Variants in FAT3 observed in about 807,000 individuals in gnomAD.
FAT3 encodes the protein FAT atypical cadherin 3.
A neutral mutation model predicts 310.2 loss-of-function variants in FAT3; 95 were observed. The ratio of observed to expected loss-of-function variants is 0.31; its 90% confidence interval spans 0.26 to 0.36. The LOEUF (loss-of-function observed/expected upper bound fraction) is 0.36. Among genes scored for constraint, FAT3 ranks in the 10% least tolerant of loss-of-function variants. The probability of loss-of-function intolerance (pLI) is 1.00; values close to 1 mark genes in which losing one functional copy is unlikely to be tolerated. For missense variants in FAT3, 5,408 were observed against 5,715.6 expected, an observed-to-expected ratio of 0.95 and a Z score of 1.74; for synonymous variants, 2,314 against 2,192.9, an observed-to-expected ratio of 1.06 and a Z score of -1.54.
chr11:92,740,134 T>C (rs1945464811), intron 4 of FAT3, among the ~76,000 whole-genome samples: 1 of 152,206 alleles, frequency 6.6e-6, no homozygotes, highest in South Asian at 2.1e-4. Flanking sequence ...CTGAGAGTAA[T>C]GTCCAAGATT....
At chr11:92,708,998 T>C (rs1047803530) in intron 4 of FAT3, among the ~76,000 whole-genome samples, 2 of 152,184 alleles carry the variant, frequency 1.3e-5, no homozygotes, top group African/African-American at 4.8e-5. Flanking sequence ...TCTAAACCAG[T>C]ATCCAATAGG....
intron 2 of FAT3, among the ~76,000 whole-genome samples, chr11:92,487,713 C>A (rs185941158): frequency 1.2e-4 from 19 of 152,274 alleles, no homozygotes; most frequent in Non-Finnish European, 2.6e-4. Flanking sequence ...GCTCCAAAGC[C>A]CATGCTCTTA....
At chr11:92,613,049 T>C (rs1940641380) in intron 3 of FAT3, among the ~76,000 whole-genome samples, 1 of 152,212 alleles carries the variant, frequency 6.6e-6, no homozygotes, top group South Asian at 2.1e-4. Flanking sequence ...TGAAAATGTA[T>C]CCTAAATTTG....
intron 3 of FAT3, among the ~76,000 whole-genome samples, chr11:92,561,724 C>T (rs1203480344): frequency 6.6e-6 from 1 of 152,128 alleles, no homozygotes; most frequent in Admixed American, 6.5e-5. Context: ...CTCCAGGGTT[C>T]AAGCAATTCT....
chr11:92,247,531 T>G (rs1864968454), intron 1 of FAT3, among the ~76,000 whole-genome samples: 1 of 151,952 alleles, frequency 6.6e-6, no homozygotes, highest in African/African-American at 2.4e-5. Flanking sequence ...TAACTTAAAC[T>G]TCTGTGACTA....
At chr11:92,659,465 A>G (rs566801085) in intron 3 of FAT3, among the ~76,000 whole-genome samples, 1 of 152,316 alleles carries the variant, frequency 6.6e-6, no homozygotes, top group Admixed American at 6.5e-5. Flanking sequence ...CATGGACCTA[A>G]ACTTCAAATA....
At chr11:92,476,751 T>A (rs1252638113) in intron 2 of FAT3, among the ~76,000 whole-genome samples, 1 of 152,206 alleles carries the variant, frequency 6.6e-6, no homozygotes, top group Non-Finnish European at 1.5e-5. Context: ...TCACATTTAC[T>A]TAAATGCAGT....
intron 4 of FAT3, among the ~76,000 whole-genome samples, chr11:92,754,877 A>C (rs1193556826): frequency 6.6e-6 from 1 of 151,914 alleles, no homozygotes; most frequent in African/African-American, 2.4e-5. Flanking sequence ...AAAAATAATA[A>C]TAATAATAAA....
At chr11:92,864,442 G>A (rs1467256015) in intron 21 of FAT3, among the ~76,000 whole-genome samples, 3 of 152,310 alleles carry the variant, frequency 2.0e-5, no homozygotes, top group Non-Finnish European at 4.4e-5. Flanking sequence ...AGTTGCCATA[G>A]AGCAAGTATT....
At chr11:92,829,828 A>C (rs1948195377) in intron 13 of FAT3, among the ~76,000 whole-genome samples, 1 of 152,220 alleles carries the variant, frequency 6.6e-6, no homozygotes. Context: ...TGGAACCAAG[A>C]ACAGGCTCTC....
chr11:92,793,086 A>G (rs1947078010), intron 9 of FAT3, 109 bp downstream of exon 9: 1 of 1,226,054 alleles, frequency 8.2e-7, no homozygotes. Context: ...ACATCTCTAA[A>G]TGAACTTTTT....
At chr11:92,878,021 T>G (rs1949572082) in intron 22 of FAT3, among the ~76,000 whole-genome samples, 1 of 152,222 alleles carries the variant, frequency 6.6e-6, no homozygotes, top group Admixed American at 6.5e-5. Context: ...TGAACAATCA[T>G]AAGGCAGAGA....
At chr11:92,687,037 T>G (rs1419542534) in intron 3 of FAT3, among the ~76,000 whole-genome samples, 1 of 152,182 alleles carries the variant, frequency 6.6e-6, no homozygotes, top group Admixed American at 6.6e-5. Context: ...TTCAGACATT[T>G]TGGGGGTTGA....
chr11:92,318,426 A>G (rs994942811), intron 1 of FAT3, among the ~76,000 whole-genome samples: 4 of 152,144 alleles, frequency 2.6e-5, no homozygotes, highest in African/African-American at 9.7e-5. Context: ...AATAAATGAT[A>G]CTCAGAAGGG....
intron 3 of FAT3, among the ~76,000 whole-genome samples, chr11:92,657,418 G>A (rs916869632): frequency 2.0e-5 from 3 of 152,218 alleles, no homozygotes; most frequent in Non-Finnish European, 2.9e-5. Flanking sequence ...TGCATTGTGG[G>A]CATGTAGACA....
In FAT3 at chr11:92,799,425, A is replaced by G. The variant is rs766121630; in HGVS notation, c.6412A>G (p.Asn2138Asp). The G allele has an allele frequency of 3.1e-6, 5 of 1,613,424 alleles. No individual in the cohort carries two copies. The highest frequency in any genetic ancestry group is 4.2e-6 in the Non-Finnish European group (5 of 1,179,732). Reference protein sequence around the residue: ...GHFEINPNSGNVILKEAFNSD... With the variant: ...GHFEINPNSGDVILKEAFNSD... ...CTTTGAAATTAACCCTAATTCAGGG[A>G]ATGTTATTTTAAAGGAAGCATTCAA... Residue 2138 changes from asparagine to aspartate, a missense_variant, in exon 10 of 28, where the codon AAT (asparagine) becomes GAT (aspartate). Around this residue, in one of 5 missense-constraint regions of FAT3, gnomAD observed 4,588 missense variants for 4,809.8 expected, o/e 0.95. Coordinates refer to ENST00000525166, the MANE Select transcript of FAT3 (RefSeq NM_001367949.2).
intron 2 of FAT3, among the ~76,000 whole-genome samples, chr11:92,466,358 A>G (rs537280394): frequency 2.0e-4 from 30 of 152,164 alleles, no homozygotes; most frequent in Non-Finnish European, 3.4e-4. Flanking sequence ...GGAAAATGGA[A>G]AACAAGCAAT....
intron 9 of FAT3, 146 bp from the exon 10 acceptor site, chr11:92,797,690 C>T (rs1591745830): frequency 2.9e-6 from 2 of 690,254 alleles, no homozygotes; most frequent in East Asian, 5.5e-5. Context: ...AGAAGCCTCT[C>T]ATTTTATTTC....
chr11:92,824,224 G>A (rs1300167912), intron 13 of FAT3, among the ~76,000 whole-genome samples: 2 of 152,074 alleles, frequency 1.3e-5, no homozygotes, highest in African/African-American at 4.8e-5. Flanking sequence ...GGGCATGGTG[G>A]TGTGTGCCTG....
Sources: allele counts gnomAD v4.1 joint callset (sites outside exome capture counted in the v4.1 genomes callset), GRCh38; gene constraint gnomAD v4.1.1; regional missense constraint gnomAD v4.1.1; transcripts MANE v1.5; gene names NCBI Gene and HGNC (gene_info 2026-07-23, HGNC 2026-07-21).